Variants in SLC35E4 observed in about 807,000 individuals in gnomAD.
SLC35E4 encodes the protein solute carrier family 35 member E4.
A neutral mutation model predicts 19.3 loss-of-function variants in SLC35E4; 15 were observed. That is an observed-to-expected ratio of 0.78 (90% confidence interval 0.52 to 1.20). SLC35E4 has a LOEUF of 1.20. Ranked by LOEUF, SLC35E4 falls within the 50% of genes most tolerant of loss-of-function variation. SLC35E4 has a pLI of 0.00. For synonymous variants in SLC35E4, 219 were observed against 219.9 expected, an observed-to-expected ratio of 1.00 and a Z score of 0.04; for missense variants, 406 against 472.3, an observed-to-expected ratio of 0.86 and a Z score of 1.30.
chr22:30,651,399 G>GTATATATATATA (rs1427700463), downstream of SLC35E4, among the ~76,000 whole-genome samples: 9 of 61,332 alleles, frequency 1.5e-4, no homozygotes, highest in African/African-American at 7.9e-4. Context: ...GTGTGTGTGT[G>GTATATATATATA]TATATATATA....
At chr22:30,655,826 AG>A (rs1277891566) in intron 2 of SLC35E4, among the ~76,000 whole-genome samples, 1 of 152,152 alleles carries the variant, frequency 6.6e-6, no homozygotes, top group Non-Finnish European at 1.5e-5. Flanking sequence ...CAAAGCCAAG[AG>A]GTGGAAGAGT....
At chr22:30,665,897 G>A (rs944942495), downstream of SLC35E4, among the ~76,000 whole-genome samples, 1 of 144,180 alleles carries the variant, frequency 6.9e-6, no homozygotes. Context: ...TGGAAAGAAT[G>A]AGTTCTCTGG....
At chr22:30,638,280 TCA>T (rs2087981503) in intron 1 of SLC35E4, among the ~76,000 whole-genome samples, 1 of 150,888 alleles carries the variant, frequency 6.6e-6, no homozygotes, top group Non-Finnish European at 1.5e-5. Flanking sequence ...GGCGGGTGGA[TCA>T]TGAGGTCAGA....
chr22:30,647,281 C>A lies in SLC35E4; in HGVS notation c.*250C>A, dbSNP rs375674357. On this transcript the variant is annotated 3_prime_UTR_variant, in exon 2 of 2. Transcript: ENST00000343605. The stretch of plus-strand genomic sequence containing the variant: ...GGCATGGTGGCGCGTGCCTATAGTC[C>A]CAGCTACATGGGAGGCTAAGGTGGG... 5 of 503,166 alleles carry A rather than the reference C, an allele frequency of 9.9e-6. No individual in the cohort carries two copies. Among genetic ancestry groups the A allele is most frequent in the African/African-American group, 7.7e-5 (4 of 51,726 alleles). 31.2% of individuals were successfully genotyped at this position (503,166 alleles called of 1,614,324 possible).
downstream of SLC35E4, chr22:30,667,355 G>C (rs1446839532): frequency 2.0e-5 from 3 of 152,244 alleles, no homozygotes; most frequent in Non-Finnish European, 4.4e-5. Flanking sequence ...AAGAGTTAAC[G>C]AGAGCGAAGC....
chr22:30,647,553 G>C lies in SLC35E4; in HGVS notation c.*522G>C, dbSNP rs1446483545. The C allele has an allele frequency of 1.3e-5, 2 of 156,870 alleles. No homozygotes were observed. Among genetic ancestry groups the C allele is most frequent in the Non-Finnish European group, 2.8e-5 (2 of 71,372 alleles). The allele number at this position is 156,870 out of a possible 1,614,324, so 9.7% of individuals were successfully genotyped here. On this transcript the variant is annotated 3_prime_UTR_variant, in exon 2 of 2. Coordinates refer to ENST00000343605, the MANE Select transcript of SLC35E4 (RefSeq NM_001001479.4). ...CCCTGCCTGCCTCACCCCTGCCACA[G>C]ACTCTGCACACCACTGGATGGTGGG...
rs1375867392 is a variant in SLC35E4, at chr22:30,636,601, A to G, written c.151A>G (p.Met51Val). 1.2e-6 allele frequency: 2 copies of G among 1,608,310 alleles called. No individual in the cohort carries two copies. Among genetic ancestry groups the G allele is most frequent in the African/African-American group, 2.7e-5 (2 of 74,794 alleles). ...GCAGCCTGGCCGGGCCCGAGTGGCCATGGCAGCACTGGTGTGGCTGCTGGC... is the reference window on the plus strand; with the variant it reads ...GCAGCCTGGCCGGGCCCGAGTGGCCGTGGCAGCACTGGTGTGGCTGCTGGC... The part of the protein sequence containing the change: ...LRQPGRARVA[M>V]AALVWLLAGA... Residue 51 changes from methionine to valine, a missense_variant, in exon 1 of 2, where the codon ATG becomes GTG. Transcript: ENST00000343605.
chr22:30,664,181 C>T, downstream of SLC35E4: 2 of 622,178 alleles, frequency 3.2e-6, no homozygotes, highest in South Asian at 2.0e-5. Context: ...TTCCCCAAGG[C>T]AGTCCTCTGA....
At chr22:30,655,935 C>CT (rs112567452) in intron 2 of SLC35E4, among the ~76,000 whole-genome samples, 17,602 of 147,414 alleles carry the variant, frequency 0.12, 1,376 homozygotes, top group African/African-American at 0.24. Context: ...ATTCTTAGGA[C>CT]TTTTTTTTTT....
chr22:30,640,118 G>A (rs2088014864), intron 1 of SLC35E4, among the ~76,000 whole-genome samples: 1 of 152,140 alleles, frequency 6.6e-6, no homozygotes, highest in Admixed American at 6.6e-5. Context: ...CCCTCCGTTT[G>A]GGGTCCCTGA....
Position 30,637,043 on chromosome 22 carries a change from T to G in SLC35E4, c.593T>G (p.Leu198Arg), listed in dbSNP as rs761373533. ...GGCTTCCTGCTCGCAGCCACCTGCC[T>G]CCGCGGACTCAAGTCGGTTCAGCAA... ...GCGFLLAATC[L>R]RGLKSVQQSA... The change falls in exon 1 of 2, where the codon CTC becomes CGC. Residue 198 changes from leucine to arginine, a missense_variant. Leu to Arg is a moderately radical substitution (Grantham distance 102). Transcript: ENST00000343605. The G allele has an allele frequency of 1.9e-6, 3 of 1,581,462 alleles. No homozygotes were observed. In the East Asian group the frequency reaches 6.8e-5, roughly 36 times the overall value.
intron 1 of SLC35E4, 47 bp from the exon 2 acceptor site, chr22:30,646,551 A>G (rs1238547740): frequency 3.2e-6 from 5 of 1,558,256 alleles, no homozygotes; most frequent in Non-Finnish European, 3.5e-6. Flanking sequence ...GGGTGGCTGG[A>G]GGGGGTTGTG....
At position 30,636,153 on chromosome 22, in the gene SLC35E4, G is replaced by A; in HGVS notation, c.-298G>A. The A allele has an allele frequency of 2.4e-6, 1 of 408,174 alleles. No individual in the cohort carries two copies. Among genetic ancestry groups the A allele is most frequent in the Admixed American group, 4.0e-5 (1 of 24,904 alleles). 25.3% of individuals were successfully genotyped at this position (408,174 alleles called of 1,614,324 possible). On this transcript the variant is annotated 5_prime_UTR_variant, in exon 1 of 2. Coordinates refer to ENST00000343605, the MANE Select transcript of SLC35E4 (RefSeq NM_001001479.4). Reference sequence around the variant, plus strand: ...GCATAACGTGGGCACTAGGCGAGGAGGAAAGTGGAGACCACCTGGCACGGG... The same window carrying A: ...GCATAACGTGGGCACTAGGCGAGGAAGAAAGTGGAGACCACCTGGCACGGG...
At chr22:30,640,369 C>CA (rs34746167) in intron 1 of SLC35E4, among the ~76,000 whole-genome samples, 11,415 of 115,300 alleles carry the variant, frequency 0.099, 1,283 homozygotes, top group African/African-American at 0.3. Context: ...GACTCCATCT[C>CA]AAAAAAAAAA....
downstream of SLC35E4, chr22:30,665,553 C>T: frequency 2.1e-6 from 1 of 471,010 alleles, no homozygotes; most frequent in Non-Finnish European, 4.4e-6. Flanking sequence ...AAGATATCAA[C>T]TTAAAGGTAA....
downstream of SLC35E4, chr22:30,666,876 T>A (rs1387318384): frequency 6.6e-6 from 1 of 152,020 alleles, no homozygotes; most frequent in Non-Finnish European, 1.5e-5. Flanking sequence ...TGGCATAGAG[T>A]AAGCCCTCTC....
intron 2 of SLC35E4, among the ~76,000 whole-genome samples, chr22:30,653,006 G>A (rs1452291797): frequency 6.6e-6 from 1 of 152,192 alleles, no homozygotes; most frequent in African/African-American, 2.4e-5. Flanking sequence ...ATAACCTGGA[G>A]CCCTATGAGG....
downstream of SLC35E4, among the ~76,000 whole-genome samples, chr22:30,666,218 G>A (rs778876048): frequency 1.3e-5 from 2 of 152,212 alleles, no homozygotes; most frequent in Non-Finnish European, 2.9e-5. Flanking sequence ...GTGGGTAACG[G>A]GAATAGAGGA....
rs146783483 is a variant in SLC35E4 at position 30,646,876 on chromosome 22, C to T, written c.898C>T (p.Arg300Trp). The part of the protein sequence containing the change: ...LTVVGNLILS[R>W]LLFGSRLSAL... ...CGTGGTGGGCAACCTCATCCTGTCC[C>T]GGCTGTTGTTTGGCAGCCGCCTCAG... is the stretch of plus-strand genomic sequence containing the variant. Residue 300 changes from arginine (R) to tryptophan (W), a missense_variant, in exon 2 of 2, where the codon CGG (arginine) becomes TGG (tryptophan). Transcript: ENST00000343605. The T allele has an allele frequency of 2.5e-5, 41 of 1,614,126 alleles. No individual in the cohort carries two copies. The African/African-American group carries it at 3.9e-4, about 15-fold the overall frequency.
Sources: gnomAD v4.1 joint callset for allele counts (sites outside exome capture counted in the v4.1 genomes callset) on GRCh38, gnomAD v4.1.1 for gene constraint, MANE v1.5 for transcripts, NCBI Gene and HGNC (gene_info 2026-07-23, HGNC 2026-07-21) for gene names.